Variants in SLC26A8 observed in about 807,000 individuals in gnomAD.
The protein encoded by SLC26A8 is testis anion transporter 1.
SLC26A8 carries 70 observed loss-of-function variants against 105.0 expected under a neutral mutation model. That is an observed-to-expected ratio of 0.67 (90% confidence interval 0.55 to 0.81). SLC26A8 has a LOEUF of 0.81. Among genes scored for constraint, SLC26A8 ranks in the 40% least tolerant of loss-of-function variants. The probability of loss-of-function intolerance (pLI) is 0.00; values close to 1 mark genes in which losing one functional copy is unlikely to be tolerated. For missense variants in SLC26A8, 998 were observed against 1,181.8 expected (o/e 0.84, Z 2.28); for synonymous variants, 415 against 438.3 (o/e 0.95, Z 0.66).
rs1772969551 is a variant in SLC26A8 at position 35,975,455 on chromosome 6, T to C, written c.1207A>G (p.Ser403Gly). The change falls in exon 10 of 20, where the codon AGT (serine) becomes GGT (glycine). Residue 403 changes from serine to glycine, a missense_variant. Transcript: ENST00000490799. The stretch of plus-strand genomic sequence containing the variant: ...AACACACAAGATCTGAAAAATGAAC[T>C]GACGACATTGCAAAGGCCGATGGCT... ...LIAIGLCNVV[S>G]SFFRSCVFTG... The C allele has an allele frequency of 2.5e-6, 4 of 1,613,430 alleles. No homozygotes were observed. The highest frequency in any genetic ancestry group is 2.2e-5 in the East Asian group (1 of 44,870).
chr6:35,985,796 G>T (rs1254305681), intron 7 of SLC26A8, among the ~76,000 whole-genome samples: 1 of 151,338 alleles, frequency 6.6e-6, no homozygotes, highest in Non-Finnish European at 1.5e-5. Context: ...GCCAGAGATG[G>T]GCTGGGAAAG....
intron 11 of SLC26A8, among the ~76,000 whole-genome samples, chr6:35,963,861 G>C (rs1446550288): frequency 6.6e-6 from 1 of 152,130 alleles, no homozygotes; most frequent in Non-Finnish European, 1.5e-5. Flanking sequence ...ATAATATACT[G>C]TAATGATTTA....
intron 19 of SLC26A8, among the ~76,000 whole-genome samples, 174 bp downstream of exon 19, chr6:35,950,989 A>T (rs1239076681): frequency 6.6e-6 from 1 of 152,126 alleles, no homozygotes; most frequent in African/African-American, 2.4e-5. Flanking sequence ...ACCAAGTGGT[A>T]AGGGTGCATT....
At chr6:36,014,015 T>C (rs866426229) in intron 2 of SLC26A8, among the ~76,000 whole-genome samples, 1 of 152,174 alleles carries the variant, frequency 6.6e-6, no homozygotes, top group Non-Finnish European at 1.5e-5. Flanking sequence ...AAATTTCCTA[T>C]TGGCAGCTGT....
At chr6:35,952,591 T>G (rs1023877754) in intron 17 of SLC26A8, among the ~76,000 whole-genome samples, 2 of 152,168 alleles carry the variant, frequency 1.3e-5, no homozygotes, top group Non-Finnish European at 2.9e-5. Context: ...GAAGTCATTC[T>G]TGATCATATG....
chr6:36,004,599 T>G (rs1181650869), intron 3 of SLC26A8, among the ~76,000 whole-genome samples: 4 of 152,108 alleles, frequency 2.6e-5, no homozygotes, highest in African/African-American at 7.2e-5. Context: ...TTTTCTTGCT[T>G]TAATATACTG....
At chr6:35,946,050 T>C (rs1005698982) in intron 19 of SLC26A8, among the ~76,000 whole-genome samples, 4 of 152,184 alleles carry the variant, frequency 2.6e-5, no homozygotes, top group African/African-American at 7.2e-5. Flanking sequence ...CCTGGGACCT[T>C]TCTCTTGTCT....
At chr6:36,017,169 A>G (rs1439972900) in intron 2 of SLC26A8, among the ~76,000 whole-genome samples, 1 of 137,108 alleles carries the variant, frequency 7.3e-6, no homozygotes, top group Non-Finnish European at 1.6e-5. Flanking sequence ...ACTTTGCCTC[A>G]AAAAGAAAGA....
chr6:35,968,823 G>C, intron 11 of SLC26A8, 54 bp downstream of exon 11: 1 of 1,033,688 alleles, frequency 9.7e-7, no homozygotes, highest in Non-Finnish European at 1.3e-6. Context: ...ACACCAAGGA[G>C]CAATCCAGAG....
intron 7 of SLC26A8, among the ~76,000 whole-genome samples, chr6:35,987,798 G>T (rs1773583787): frequency 6.6e-6 from 1 of 152,284 alleles, no homozygotes. Flanking sequence ...GAGAGACTGG[G>T]AGGTGCAGGG....
intron 7 of SLC26A8, among the ~76,000 whole-genome samples, chr6:35,986,692 T>C (rs1408271611): frequency 6.6e-6 from 1 of 152,214 alleles, no homozygotes; most frequent in Non-Finnish European, 1.5e-5. Flanking sequence ...CTTTTTATTT[T>C]TTATTTTATT....
intron 5 of SLC26A8, among the ~76,000 whole-genome samples, chr6:35,996,892 G>T (rs530673001): frequency 6.6e-6 from 1 of 152,170 alleles, no homozygotes; most frequent in African/African-American, 2.4e-5. Context: ...AAAATGTGCT[G>T]GGTGTGGTGG....
chr6:35,982,025 G>T, intron 8 of SLC26A8, 96 bp downstream of exon 8: 1 of 1,303,982 alleles, frequency 7.7e-7, no homozygotes, highest in Non-Finnish European at 1.1e-6. Flanking sequence ...TTTGGCCAGA[G>T]ACTGCTAGTA....
At chr6:35,976,147 T>A (rs904782527) in intron 9 of SLC26A8, among the ~76,000 whole-genome samples, 14 of 151,636 alleles carry the variant, frequency 9.2e-5, no homozygotes, top group African/African-American at 3.1e-4. Flanking sequence ...CAAATTGGGC[T>A]GGGTGCGGTG....
Position 36,012,276 on chromosome 6 carries a change from G to A in SLC26A8, c.285C>T (p.Asp95=), listed in dbSNP as rs72923104. 554 of 1,612,132 alleles carry A rather than the reference G, an allele frequency of 3.4e-4. No individual in the cohort carries two copies. The highest frequency in any genetic ancestry group is 4.3e-4 in the Non-Finnish European group (509 of 1,179,434). ...GGCCAACACTTATACCAGCAAGTAA[G>A]TCTCCCAGAAGCCAATCCTTTAATC... is the stretch of plus-strand genomic sequence containing the variant. ...MYRLKDWLLG[D]LLAGISVGLV... The change falls in exon 3 of 20, where the codon GAC becomes GAT. Residue 95 remains aspartate, a synonymous_variant. Coordinates refer to ENST00000490799, the MANE Select transcript of SLC26A8 (RefSeq NM_052961.4).
At chr6:36,012,191 G>C in intron 3 of SLC26A8, 42 bp downstream of exon 3, 1 of 1,601,004 alleles carries the variant, frequency 6.2e-7, no homozygotes. Context: ...GACAAGGTCT[G>C]ATACATTGTC....
Position 35,955,495 on chromosome 6 carries a change from T to C in SLC26A8, c.1889A>G (p.Asn630Ser), listed in dbSNP as rs774442692. 1 of 1,614,162 alleles carries C rather than the reference T, an allele frequency of 6.2e-7. No homozygotes were observed. The highest frequency in any genetic ancestry group is 2.2e-5 in the East Asian group (1 of 44,886). ...PRILYTERFE[N>S]KLDPEASSIN... ...GGAGGATGCTTCGGGATCCAGTTTA[T>C]TTTCAAATCGCTCTGTGTAAAGAAT... Residue 630 changes from asparagine to serine, a missense_variant, in exon 17 of 20, where the codon AAT becomes AGT. Physicochemically the swap from Asn to Ser is conservative, Grantham distance 46 (BLOSUM62 1). Transcript: ENST00000490799.
At position 35,944,304 on chromosome 6, in the gene SLC26A8, GA is replaced by G; in HGVS notation, c.2508del (p.Leu837Ter). 6.2e-7 allele frequency: 1 copy of G among 1,613,582 alleles called. No individual in the cohort carries two copies. On this transcript the variant is annotated frameshift_variant, in exon 20 of 20. Transcript: ENST00000490799. LOFTEE classifies it high-confidence loss of function. The part of the protein sequence containing the change: ...DNSRYKMSSS[F>X]LGSQKNVSPG... ...GGACTTACATTTTTTTGGCTTCCTA[GA>G]AAACTGCTGCTCATTTTATATCTTG...
chr6:36,012,936 A>G (rs1447906406), intron 2 of SLC26A8, among the ~76,000 whole-genome samples: 1 of 152,162 alleles, frequency 6.6e-6, no homozygotes, highest in Non-Finnish European at 1.5e-5. Flanking sequence ...GCAGGTGCAT[A>G]AAGTGTGTTC....
Sources: gnomAD v4.1 joint callset for allele counts (sites outside exome capture counted in the v4.1 genomes callset) on GRCh38, gnomAD v4.1.1 for gene constraint, MANE v1.5 for transcripts, NCBI Gene and HGNC (gene_info 2026-07-23, HGNC 2026-07-21) for gene names.